ZNF728: variants seen among roughly 807,000 people sequenced by gnomAD.
ZNF728 encodes zinc finger protein 728.
Under a neutral mutation model 12.5 loss-of-function variants are expected in ZNF728, and 12 were observed. The observed-to-expected ratio is 0.96, with a 90% CI of 0.61 to 1.55. ZNF728 has a LOEUF of 1.55. Among genes scored for constraint, ZNF728 ranks in the 40% most tolerant of loss-of-function variants. The pLI, the probability that ZNF728 is intolerant of heterozygous loss-of-function variation, is 0.00. For missense variants in ZNF728, 692 were observed against 719.2 expected (o/e 0.96, Z 0.43); for synonymous variants, 205 against 240.7 (o/e 0.85, Z 1.37).
intron 1 of ZNF728, among the ~76,000 whole-genome samples, chr19:23,001,110 A>G (rs974382613): frequency 1.3e-5 from 2 of 152,068 alleles, no homozygotes; most frequent in Admixed American, 6.5e-5. Context: ...TTTTTGCACC[A>G]TCTCACTGGG....
At chr19:22,981,670 C>T (rs1968862485) in intron 3 of ZNF728, among the ~76,000 whole-genome samples, 1 of 152,172 alleles carries the variant, frequency 6.6e-6, no homozygotes, top group African/African-American at 2.4e-5. Context: ...CATCAAAAAG[C>T]TTATCCACCA....
intron 1 of ZNF728, among the ~76,000 whole-genome samples, chr19:22,990,129 A>T (rs1179926882): frequency 6.6e-6 from 1 of 152,190 alleles, no homozygotes; most frequent in Admixed American, 6.5e-5. Context: ...AGAATTTTTT[A>T]AAGTAGTTAA....
chr19:22,980,268 T>C (rs1358521887), intron 3 of ZNF728, among the ~76,000 whole-genome samples: 1 of 144,618 alleles, frequency 6.9e-6, no homozygotes, highest in Non-Finnish European at 1.5e-5. Flanking sequence ...CCAACAAAGA[T>C]CAAAAGAGAC....
rs768034677 is a variant in ZNF728, at chr19:22,976,844, T to C, written c.493A>G (p.Ile165Val). The C allele has an allele frequency of 5.0e-6, 8 of 1,613,146 alleles. No homozygotes were observed. The Admixed American group carries it at 6.7e-5, about 13-fold the overall frequency. Residue 165 changes from isoleucine to valine, a missense_variant, in exon 4 of 4, where the codon ATA becomes GTA. By Grantham distance (29) the Ile-to-Val change is conservative. Transcript: ENST00000594710. ...AAAAGTTTCTTTCCAGTATGCCTTATCTTATGTCTTTTTGAATTTGAACAT... is the reference window on the plus strand; with the variant it reads ...AAAAGTTTCTTTCCAGTATGCCTTACCTTATGTCTTTTTGAATTTGAACAT... ...HKCSNSKRHK[I>V]RHTGKKLLKC...
Position 22,988,377 on chromosome 19 carries a change from C to G in ZNF728, c.78G>C (p.Gln26His), listed in dbSNP as rs747768656. Reference sequence around the variant, plus strand: ...CTAACATCACATTCCTATATAAATTCTGCTGTGCAGTGTCCAGGCATTGCC... The same window carrying G: ...CTAACATCACATTCCTATATAAATTGTGCTGTGCAGTGTCCAGGCATTGCC... ...EEWQCLDTAQ[Q>H]NLYRNVMLEN... The change falls in exon 2 of 4, where the codon CAG becomes CAC. Residue 26 changes from glutamine (Q) to histidine (H), a missense_variant. Coordinates refer to ENST00000594710, the MANE Select transcript of ZNF728 (RefSeq NM_001267716.2). 1.9e-6 allele frequency: 3 copies of G among 1,614,168 alleles called. No homozygotes were observed. The East Asian group carries it at 6.7e-5, about 36-fold the overall frequency.
chr19:23,002,917 C>T, intron 1 of ZNF728, 111 bp downstream of exon 1: 1 of 1,419,652 alleles, frequency 7.0e-7, no homozygotes, highest in Non-Finnish European at 9.7e-7. Context: ...GAACACGGGG[C>T]ACAGATTGTG....
chr19:22,992,911 T>C (rs530133045), intron 1 of ZNF728, among the ~76,000 whole-genome samples: 7 of 152,294 alleles, frequency 4.6e-5, no homozygotes, highest in Admixed American at 3.9e-4. Context: ...CTCGGGATGA[T>C]TCTAAATAAA....
rs199798783 is a variant in ZNF728 at position 22,983,955 on chromosome 19, G to GT, written c.226+3352dup. On this transcript the variant is annotated intron_variant, in intron 3 of 3. Coordinates refer to ENST00000594710, the MANE Select transcript of ZNF728 (RefSeq NM_001267716.2). ...ACCACCATGGCACGTGCATACCTAC[G>GT]TAACAAACCTGCACGTTCTGCACAT... is the stretch of plus-strand genomic sequence containing the variant. 6.0e-3 allele frequency among the ~76,000 whole-genome samples: 911 copies of GT among 152,062 alleles called. 9 individuals are homozygous for GT. The highest frequency in any genetic ancestry group is 0.021 in the African/African-American group (860 of 41,460).
At chr19:22,984,572 AAAAAT>A (rs1307889163) in intron 3 of ZNF728, among the ~76,000 whole-genome samples, 1 of 87,280 alleles carries the variant, frequency 1.1e-5, no homozygotes, top group Non-Finnish European at 2.3e-5. Flanking sequence ...AAAAAAAAAA[AAAAAT>A]ACACACACAC....
At position 22,988,106 on chromosome 19, in the gene ZNF728, C is replaced by T. The variant is rs138878553; in HGVS notation, c.130+219G>A. ...GTCAAGCAGCTGACCACAACCTCCC[C>T]CTTCTCCCTATCTCCTTTACTCAAT... On this transcript the variant is annotated intron_variant, in intron 2 of 3. Transcript: ENST00000594710. Among the ~76,000 whole-genome samples the T allele has an allele frequency of 1.6e-4, 24 of 152,142 alleles. No homozygotes were observed. In the East Asian group the frequency reaches 4.3e-3, roughly 27 times the overall value.
intron 1 of ZNF728, among the ~76,000 whole-genome samples, chr19:22,992,944 C>T (rs1969006477): frequency 6.6e-6 from 1 of 152,188 alleles, no homozygotes; most frequent in South Asian, 2.1e-4. Context: ...CTTGGTTGAA[C>T]TCCCAAACCT....
chr19:22,996,987 C>T (rs1457028348), intron 1 of ZNF728, among the ~76,000 whole-genome samples: 1 of 152,016 alleles, frequency 6.6e-6, no homozygotes, highest in African/African-American at 2.4e-5. Context: ...TTAAGAAACC[C>T]CATGGGTTCA....
At chr19:22,979,722 A>G (rs759312070) in intron 3 of ZNF728, among the ~76,000 whole-genome samples, 1 of 152,194 alleles carries the variant, frequency 6.6e-6, no homozygotes, top group Non-Finnish European at 1.5e-5. Flanking sequence ...ATTCTTAAAG[A>G]AAGGAATTTC....
intron 3 of ZNF728, among the ~76,000 whole-genome samples, chr19:22,980,202 CAA>C (rs59991122): frequency 0.29 from 32,589 of 114,200 alleles, 5,045 homozygotes; most frequent in African/African-American, 0.52. Context: ...AAAAAAGAAA[CAA>C]AAAAAAAAAA....
At chr19:22,977,245 C>G (rs1052366858) in intron 3 of ZNF728, 135 bp from the exon 4 acceptor site, 16 of 828,012 alleles carry the variant, frequency 1.9e-5, no homozygotes, top group Non-Finnish European at 2.8e-5. Flanking sequence ...TCTTCACAGA[C>G]ATATAAATGT....
chr19:22,992,003 A>C (rs1968993307), intron 1 of ZNF728, among the ~76,000 whole-genome samples: 1 of 152,250 alleles, frequency 6.6e-6, no homozygotes, highest in Non-Finnish European at 1.5e-5. Flanking sequence ...ATTTTTTAGA[A>C]GAAAAATAAG....
intron 3 of ZNF728, among the ~76,000 whole-genome samples, chr19:22,977,418 C>A (rs192952606): frequency 6.6e-6 from 1 of 152,200 alleles, no homozygotes; most frequent in African/African-American, 2.4e-5. Context: ...TTACCTAGTC[C>A]CTTCAGAAGT....
chr19:23,003,156 C>A lies in ZNF728; in HGVS notation c.-126G>T. 8.6e-7 allele frequency: 1 copy of A among 1,160,206 alleles called. No homozygotes were observed. The highest frequency in any genetic ancestry group is 1.2e-6 in the Non-Finnish European group (1 of 839,122). The allele number at this position is 1,160,206 out of a possible 1,614,324, so 71.9% of individuals were successfully genotyped here. A position where few individuals can be genotyped will look rare whatever the true frequency, so the allele number is the denominator to read the frequency against. On this transcript the variant is annotated 5_prime_UTR_variant, in exon 1 of 4. Coordinates refer to ENST00000594710, the MANE Select transcript of ZNF728 (RefSeq NM_001267716.2). ...AGCAGTAAGGACGACACCTTGACCT[C>A]CGCGTGCAGCGAGAGCCAACGGTCC...
chr19:22,976,853 T>C lies in ZNF728; in HGVS notation c.484A>G (p.Arg162Gly), dbSNP rs1340666007. 6.2e-7 allele frequency: 1 copy of C among 1,613,172 alleles called. No homozygotes were observed. Among genetic ancestry groups the C allele is most frequent in the Non-Finnish European group, 8.5e-7 (1 of 1,179,602 alleles). The change falls in exon 4 of 4, where the codon AGA becomes GGA. Residue 162 changes from arginine to glycine, a missense_variant. This residue lies in a region of ZNF728 where 440 missense variants were observed against 459.6 expected (regional missense o/e 0.96). Transcript: ENST00000594710. ...NIFHKCSNSK[R>G]HKIRHTGKKL... ...TTTCCAGTATGCCTTATCTTATGTC[T>C]TTTTGAATTTGAACATTTATGAAAG... is the stretch of plus-strand genomic sequence containing the variant.
Sources: allele counts gnomAD v4.1 joint callset (sites outside exome capture counted in the v4.1 genomes callset), GRCh38; gene constraint gnomAD v4.1.1; regional missense constraint gnomAD v4.1.1; transcripts MANE v1.5; gene names NCBI Gene and HGNC (gene_info 2026-07-23, HGNC 2026-07-21).